The following NUBP2 variants were observed in gnomAD, a reference collection of about 807,000 sequenced individuals.
The protein encoded by NUBP2 is NUBP iron-sulfur cluster assembly factor 2, cytosolic.
Under a neutral mutation model 24.9 loss-of-function variants are expected in NUBP2, and 23 were observed. That is an observed-to-expected ratio of 0.92 (90% confidence interval 0.66 to 1.31). The LOEUF is 1.31. Ranked by LOEUF, NUBP2 falls within the 50% of genes most tolerant of loss-of-function variation. The probability of loss-of-function intolerance (pLI) is 0.00; values close to 1 mark genes in which losing one functional copy is unlikely to be tolerated. For missense variants in NUBP2, 403 were observed against 386.5 expected, an observed-to-expected ratio of 1.04 and a Z score of -0.36; for synonymous variants, 186 against 170.9, an observed-to-expected ratio of 1.09 and a Z score of -0.69.
chr16:1,788,585 C>A lies in NUBP2; in HGVS notation c.687C>A (p.Asp229Glu). The change falls in exon 7 of 7, where the codon GAC becomes GAA. Residue 229 changes from aspartate (D) to glutamate (E), a missense_variant. By Grantham distance (45) the Asp-to-Glu change is conservative. Transcript: ENST00000262302. ...GVPFLGSVPL[D>E]PALMRTLEEG... is the part of the protein sequence containing the mutation. The stretch of plus-strand genomic sequence containing the variant: ...GCCCTGCAGGCTCCGTGCCCCTGGA[C>A]CCTGCGCTCATGAGGACCCTGGAGG... 3 of 1,607,556 alleles carry A rather than the reference C, an allele frequency of 1.9e-6. No individual in the cohort carries two copies. Among genetic ancestry groups the A allele is most frequent in the Non-Finnish European group, 2.5e-6 (3 of 1,178,822 alleles).
intron 1 of NUBP2, chr16:1,783,637 A>G (rs1172101429): frequency 3.0e-6 from 1 of 334,000 alleles, no homozygotes; most frequent in African/African-American, 2.2e-5. Context: ...CAAAAGGAAA[A>G]CATTCCTCGG....
At chr16:1,785,464 CA>C in intron 1 of NUBP2, 1 of 1,188,128 alleles carries the variant, frequency 8.4e-7, no homozygotes, top group Non-Finnish European at 1.1e-6. Flanking sequence ...CTGATGGCAG[CA>C]TGGCAGTCAG....
At position 1,788,812 on chromosome 16, in the gene NUBP2, G is replaced by C; in HGVS notation, c.*98G>C. 2 of 1,420,930 alleles carry C rather than the reference G, an allele frequency of 1.4e-6. No individual in the cohort carries two copies. Among genetic ancestry groups the C allele is most frequent in the Non-Finnish European group, 9.3e-7 (1 of 1,074,820 alleles). The allele number at this position is 1,420,930 out of a possible 1,614,324, so 88.0% of individuals were successfully genotyped here. On this transcript the variant is annotated 3_prime_UTR_variant, in exon 7 of 7. Coordinates refer to ENST00000262302, the MANE Select transcript of NUBP2 (RefSeq NM_012225.4). ...TGGGCTCGGTTCCCGGGCCCTGCAG[G>C]GGCAGGCCCAGGCAGCGTCAGCCGG... is the stretch of plus-strand genomic sequence containing the variant.
At position 1,788,589 on chromosome 16, in the gene NUBP2, G is replaced by A. The variant is rs1897107732; in HGVS notation, c.691G>A (p.Ala231Thr). ...TGCAGGCTCCGTGCCCCTGGACCCT[G>A]CGCTCATGAGGACCCTGGAGGAGGG... is the stretch of plus-strand genomic sequence containing the variant. ...PFLGSVPLDPALMRTLEEGHD... is the reference protein window; with the variant it reads ...PFLGSVPLDPTLMRTLEEGHD... Residue 231 changes from alanine (A) to threonine (T), a missense_variant, in exon 7 of 7, where the codon GCG (alanine) becomes ACG (threonine). Physicochemically the swap from Ala to Thr is moderately conservative, Grantham distance 58 (BLOSUM62 0). Coordinates refer to ENST00000262302, the MANE Select transcript of NUBP2 (RefSeq NM_012225.4). 2 of 1,608,032 alleles carry A rather than the reference G, an allele frequency of 1.2e-6. No individual in the cohort carries two copies.
At chr16:1,783,425 G>T (rs965510840) in intron 1 of NUBP2, 1 of 1,020,446 alleles carries the variant, frequency 9.8e-7, no homozygotes, top group Non-Finnish European at 1.2e-6. Context: ...CACGCGCGCA[G>T]TCATGAAAGT....
intron 2 of NUBP2, 40 bp downstream of exon 2, chr16:1,786,695 C>G (rs375227134): frequency 2.5e-6 from 4 of 1,611,814 alleles, no homozygotes; most frequent in Non-Finnish European, 3.4e-6. Flanking sequence ...CCCCGGGCAG[C>G]TGCCCGCATC....
At position 1,783,656 on chromosome 16, in the gene NUBP2, G is replaced by A. The variant is rs147306092; in HGVS notation, c.16+620G>A. On this transcript the variant is annotated intron_variant, in intron 1 of 6. Coordinates refer to ENST00000262302, the MANE Select transcript of NUBP2 (RefSeq NM_012225.4). ...AGGAAAACATTCCTCGGACAGCAAG[G>A]TCTTGCAGCACAACTCTGACAGATT... 2.5e-3 allele frequency: 675 copies of A among 269,150 alleles called. 1 individual carries two copies. Among genetic ancestry groups the A allele is most frequent in the Middle Eastern group, 0.012 (6 of 518 alleles). The allele number at this position is 269,150 out of a possible 1,614,324, so 16.7% of individuals were successfully genotyped here. A position where few individuals can be genotyped will look rare whatever the true frequency, so the allele number is the denominator to read the frequency against.
chr16:1,788,844 T>A lies in NUBP2; in HGVS notation c.*130T>A. The A allele has an allele frequency of 8.4e-7, 1 of 1,192,248 alleles. No individual in the cohort carries two copies. The highest frequency in any genetic ancestry group is 1.1e-6 in the Non-Finnish European group (1 of 883,388). The allele number at this position is 1,192,248 out of a possible 1,614,324, so 73.9% of individuals were successfully genotyped here. A position where few individuals can be genotyped will look rare whatever the true frequency, so the allele number is the denominator to read the frequency against. On this transcript the variant is annotated 3_prime_UTR_variant, in exon 7 of 7. Transcript: ENST00000262302. ...CCCAGGCAGCGTCAGCCGGAGAGCT[T>A]CTCCCCGACCAGCCCAGCCCCAGGA...
At chr16:1,785,653 G>T in intron 1 of NUBP2, 1 of 1,288,754 alleles carries the variant, frequency 7.8e-7, no homozygotes, top group Non-Finnish European at 1.0e-6. Context: ...GTGGGGCTGG[G>T]GCTGCCTTTT....
chr16:1,785,131 G>C (rs1176691434), intron 1 of NUBP2: 6 of 990,222 alleles, frequency 6.1e-6, no homozygotes, highest in Non-Finnish European at 7.2e-6. Context: ...CCATAAAGCT[G>C]ACCGGGACTC....
intron 1 of NUBP2, chr16:1,784,080 T>TGAGATTGATAGAA (rs944395939): frequency 4.7e-5 from 45 of 967,364 alleles, no homozygotes; most frequent in Non-Finnish European, 5.2e-5. Context: ...AGGATATTAC[T>TGAGATTGATAGAA]GAGATTGATA....
intron 1 of NUBP2, chr16:1,786,254 C>G (rs344357): frequency 0.82 from 399,880 of 489,096 alleles, 164,688 homozygotes; most frequent in African/African-American, 0.94. Flanking sequence ...ATGCACCCTT[C>G]CACACAGCGA....
chr16:1,786,665 C>T lies in NUBP2; in HGVS notation c.135+10C>T, dbSNP rs374591901. The T allele has an allele frequency of 1.9e-6, 3 of 1,612,406 alleles. No individual in the cohort carries two copies. The highest frequency in any genetic ancestry group is 2.5e-6 in the Non-Finnish European group (3 of 1,179,648). On this transcript the variant is annotated intron_variant, in intron 2 of 6. Coordinates refer to ENST00000262302, the MANE Select transcript of NUBP2 (RefSeq NM_012225.4). The stretch of plus-strand genomic sequence containing the variant: ...CCATGCAGGCAAGAAGGTGAGCGCC[C>T]TACCCCTCACTGGGCGGAGCCCCGG...
chr16:1,786,433 C>G, intron 1 of NUBP2, 104 bp from the exon 2 acceptor site: 1 of 1,018,878 alleles, frequency 9.8e-7, no homozygotes, highest in South Asian at 1.5e-5. Flanking sequence ...CGATTCACCA[C>G]TGCCCCGCTC....
chr16:1,786,684 G>A, intron 2 of NUBP2, 29 bp downstream of exon 2: 1 of 1,612,038 alleles, frequency 6.2e-7, no homozygotes, highest in Non-Finnish European at 8.5e-7. Context: ...ACTGGGCGGA[G>A]CCCCGGGCAG....
In NUBP2 at chr16:1,788,663, C is replaced by G. The variant is rs147565674; in HGVS notation, c.765C>G (p.Leu255=). The part of the protein sequence containing the change: ...EFPGSPAFAA[L]TSIAQKILDA... ...CTGGGAGCCCCGCCTTCGCTGCACT[C>G]ACCTCCATAGCCCAGAAGATTCTGG... Residue 255 remains leucine, a synonymous_variant, in exon 7 of 7, where the codon CTC becomes CTG. Coordinates refer to ENST00000262302, the MANE Select transcript of NUBP2 (RefSeq NM_012225.4). 8 of 1,612,492 alleles carry G rather than the reference C, an allele frequency of 5.0e-6. No individual in the cohort carries two copies. The African/African-American group carries it at 1.1e-4, about 21-fold the overall frequency.
chr16:1,785,171 T>C (rs1896904079), intron 1 of NUBP2: 3 of 999,218 alleles, frequency 3.0e-6, no homozygotes, highest in African/African-American at 1.7e-5. Context: ...CTCGCCTTCC[T>C]CGGGGAGATG....
At position 1,788,702 on chromosome 16, in the gene NUBP2, G is replaced by T; in HGVS notation, c.804G>T (p.Ala268=). ...AGAAGATTCTGGACGCGACGCCCGC[G>T]TGCCTCCCCTGACTAAGGCCACCTT... ...IAQKILDATP[A]CLP is the part of the protein sequence containing the mutation. Residue 268 remains alanine (A), a synonymous_variant, in exon 7 of 7, where the codon GCG becomes GCT. Transcript: ENST00000262302. 6.2e-7 allele frequency: 1 copy of T among 1,610,730 alleles called. No individual in the cohort carries two copies. Among genetic ancestry groups the T allele is most frequent in the Non-Finnish European group, 8.5e-7 (1 of 1,178,834 alleles).
chr16:1,788,393 C>T (rs1051155456), intron 6 of NUBP2, among the ~76,000 whole-genome samples, 176 bp from the exon 7 acceptor site: 4 of 152,188 alleles, frequency 2.6e-5, no homozygotes, highest in African/African-American at 9.6e-5. Flanking sequence ...CTTCTCAGGG[C>T]CCTCTCGGGT....
Sources: gnomAD v4.1 joint callset for allele counts (sites outside exome capture counted in the v4.1 genomes callset) on GRCh38, gnomAD v4.1.1 for gene constraint, MANE v1.5 for transcripts, NCBI Gene and HGNC (gene_info 2026-07-23, HGNC 2026-07-21) for gene names.